HLCS: variants seen among roughly 807,000 people sequenced by gnomAD.
HLCS encodes biotin--protein ligase.
A neutral mutation model predicts 75.0 loss-of-function variants in HLCS; 53 were observed. The observed-to-expected ratio is 0.71, with a 90% CI of 0.57 to 0.89. The LOEUF is 0.89. Ranked by LOEUF, HLCS falls within the 40% of genes least tolerant of loss-of-function variation. The pLI is 0.00. For missense variants in HLCS, 966 were observed against 1,074.0 expected, an observed-to-expected ratio of 0.90 and a Z score of 1.41; for synonymous variants, 431 against 428.6, an observed-to-expected ratio of 1.01 and a Z score of -0.07.
intron 6 of HLCS, among the ~76,000 whole-genome samples, chr21:36,811,083 T>G (rs557192769): frequency 6.7e-6 from 1 of 149,982 alleles, no homozygotes; most frequent in Non-Finnish European, 1.5e-5. Context: ...ACAACACGTT[T>G]TGAAGTACCT....
chr21:36,872,390 C>CAAA (rs374943958), intron 6 of HLCS, among the ~76,000 whole-genome samples: 7 of 85,440 alleles, frequency 8.2e-5, no homozygotes, highest in Admixed American at 1.4e-4. Flanking sequence ...GCCTCTGTCT[C>CAAA]AAAAAAAAAA....
intron 6 of HLCS, among the ~76,000 whole-genome samples, chr21:36,771,243 T>C (rs2060197096): frequency 6.6e-6 from 1 of 151,470 alleles, no homozygotes; most frequent in African/African-American, 2.4e-5. Flanking sequence ...AATAAATAAA[T>C]AAATATAAAA....
Position 36,966,424 on chromosome 21 carries a change from C to CCGGCG in HLCS, c.195+19_195+20insCGCCG. The CCGGCG allele has an allele frequency of 2.2e-6, 1 of 461,716 alleles. No individual in the cohort carries two copies. Among genetic ancestry groups the CCGGCG allele is most frequent in the Non-Finnish European group, 2.8e-6 (1 of 351,290 alleles). 28.6% of individuals were successfully genotyped at this position (461,716 alleles called of 1,614,324 possible). On this transcript the variant is annotated intron_variant, in intron 1 of 10. Transcript: ENST00000674895. Reference sequence around the variant, plus strand: ...TCCGGCTCGCGGGGCCCGGGTCGCCCGCCCGCCCGACCCGCCCACCTGGCT... The same window carrying CCGGCG: ...TCCGGCTCGCGGGGCCCGGGTCGCCCCGGCGGCCCGCCCGACCCGCCCACCTGGCT...
At chr21:36,779,323 CTT>C (rs2060458514) in intron 6 of HLCS, among the ~76,000 whole-genome samples, 1 of 150,492 alleles carries the variant, frequency 6.6e-6, no homozygotes, top group Admixed American at 6.6e-5. Context: ...CTCCTTCCTT[CTT>C]TCTTTCTTCC....
chr21:36,869,997 C>T (rs573862622), intron 6 of HLCS, among the ~76,000 whole-genome samples: 151 of 152,258 alleles, frequency 9.9e-4, no homozygotes, highest in African/African-American at 3.4e-3. Context: ...ACCCGTGAAC[C>T]CTAGTTATAG....
chr21:36,749,090 G>A lies in HLCS; in HGVS notation c.*5156C>T, dbSNP rs1284923634. 6.6e-6 allele frequency: 1 copy of A among 152,664 alleles called. No individual in the cohort carries two copies. Among genetic ancestry groups the A allele is most frequent in the Non-Finnish European group, 1.5e-5 (1 of 68,044 alleles). 9.5% of individuals were successfully genotyped at this position (152,664 alleles called of 1,614,324 possible). On this transcript the variant is annotated 3_prime_UTR_variant, in exon 11 of 11. Transcript: ENST00000674895. The stretch of plus-strand genomic sequence containing the variant: ...ACATTTTAAGCATTTTCTACACAGC[G>A]AGAAAACTTCGTAAGAACATGTTAC...
rs541881622 is a variant in HLCS at position 36,937,530 on chromosome 21, C to T, written c.494-138G>A. 6.4e-6 allele frequency: 5 copies of T among 783,168 alleles called. No individual in the cohort carries two copies. In the South Asian group the frequency reaches 7.6e-5, roughly 12 times the overall value. 48.5% of individuals were successfully genotyped at this position (783,168 alleles called of 1,614,324 possible). ...GGACAGCCTCTGGCACGGCTCCCAC[C>T]TGCATCCCCCCTCAACTCGGGGGCA... On this transcript the variant is annotated intron_variant, in intron 3 of 10. Coordinates refer to ENST00000674895, the MANE Select transcript of HLCS (RefSeq NM_001352514.2).
chr21:36,828,650 A>C (rs904232344), intron 6 of HLCS, among the ~76,000 whole-genome samples: 9 of 152,200 alleles, frequency 5.9e-5, no homozygotes, highest in Non-Finnish European at 1.2e-4. Flanking sequence ...TTTTAAGTGG[A>C]TAAGCAATTA....
chr21:36,883,214 A>T (rs1270288218), intron 6 of HLCS, among the ~76,000 whole-genome samples: 1 of 152,220 alleles, frequency 6.6e-6, no homozygotes, highest in East Asian at 1.9e-4. Flanking sequence ...TTAAAGGGGC[A>T]GGTGAAAGCA....
At chr21:36,843,416 C>A (rs565408522) in intron 6 of HLCS, among the ~76,000 whole-genome samples, 1 of 151,632 alleles carries the variant, frequency 6.6e-6, no homozygotes, top group South Asian at 2.1e-4. Context: ...CTAGCCTGGG[C>A]GACAGAGAGA....
chr21:36,896,046 A>G (rs1316518221), intron 6 of HLCS, among the ~76,000 whole-genome samples: 1 of 152,200 alleles, frequency 6.6e-6, no homozygotes. Flanking sequence ...GGGGTTATCA[A>G]CTGCTTAAAA....
rs1468641280 is a variant in HLCS, at chr21:36,751,786, C to G, written c.*2460G>C. 6.6e-6 allele frequency: 1 copy of G among 152,212 alleles called. No individual in the cohort carries two copies. The highest frequency in any genetic ancestry group is 1.5e-5 in the Non-Finnish European group (1 of 68,052). 9.4% of individuals were successfully genotyped at this position (152,212 alleles called of 1,614,324 possible). A position where few individuals can be genotyped will look rare whatever the true frequency, so the allele number is the denominator to read the frequency against. On this transcript the variant is annotated 3_prime_UTR_variant, in exon 11 of 11. Coordinates refer to ENST00000674895, the MANE Select transcript of HLCS (RefSeq NM_001352514.2). Reference sequence around the variant, plus strand: ...TCAAGAGTCCCCTTGAAACCCGTTACCAGCCTGGAAGGGAGGATATCTTGC... The same window carrying G: ...TCAAGAGTCCCCTTGAAACCCGTTAGCAGCCTGGAAGGGAGGATATCTTGC...
At chr21:36,880,848 G>A (rs1032657802) in intron 6 of HLCS, among the ~76,000 whole-genome samples, 6 of 152,158 alleles carry the variant, frequency 3.9e-5, no homozygotes, top group South Asian at 2.1e-4. Flanking sequence ...TCCTTAGGGC[G>A]TGGGAGCCGA....
intron 6 of HLCS, among the ~76,000 whole-genome samples, chr21:36,832,436 G>C (rs1392624117): frequency 2.0e-5 from 3 of 152,198 alleles, no homozygotes; most frequent in African/African-American, 7.2e-5. Flanking sequence ...GGTTGGAAGG[G>C]AGCTGGTGAG....
At chr21:36,951,923 G>C (rs1202522457) in intron 2 of HLCS, among the ~76,000 whole-genome samples, 1 of 152,112 alleles carries the variant, frequency 6.6e-6, no homozygotes, top group Non-Finnish European at 1.5e-5. Flanking sequence ...GCGAAAATAT[G>C]AGTATGTGAA....
In HLCS at chr21:36,857,579, C is replaced by T. The variant is rs553636152; in HGVS notation, c.1892+39281G>A. Among the ~76,000 whole-genome samples the T allele has an allele frequency of 5.6e-4, 85 of 152,244 alleles. 2 individuals carry two copies. Among genetic ancestry groups the T allele is most frequent in the African/African-American group, 2.0e-3 (81 of 41,536 alleles). ...AGCTGTCATGCCAATGTCCTCACATCGATCCTCCTTTGTTCACCCACCCCA... is the reference window on the plus strand; with the variant it reads ...AGCTGTCATGCCAATGTCCTCACATTGATCCTCCTTTGTTCACCCACCCCA... On this transcript the variant is annotated intron_variant, in intron 6 of 10. Coordinates refer to ENST00000674895, the MANE Select transcript of HLCS (RefSeq NM_001352514.2).
chr21:36,830,747 T>G (rs2062176037), intron 6 of HLCS, among the ~76,000 whole-genome samples: 3 of 142,260 alleles, frequency 2.1e-5, no homozygotes, highest in African/African-American at 7.9e-5. Context: ...GACAAGCCCC[T>G]GGAAGTTGAG....
intron 6 of HLCS, among the ~76,000 whole-genome samples, chr21:36,830,107 CACACACAGGAGAGGTGACAGGA>C (rs1490906672): frequency 6.6e-6 from 1 of 152,168 alleles, no homozygotes; most frequent in South Asian, 2.1e-4. Flanking sequence ...AACACAGACA[CACACACAGGAGAGGTGACAGGA>C]ACACACAGGG....
chr21:36,778,399 C>G (rs1323630521), intron 6 of HLCS, among the ~76,000 whole-genome samples: 3 of 152,190 alleles, frequency 2.0e-5, no homozygotes, highest in African/African-American at 7.2e-5. Flanking sequence ...CCTGCCACAG[C>G]CTCCCGAGTA....
Sources: gnomAD v4.1 joint callset for allele counts (sites outside exome capture counted in the v4.1 genomes callset) on GRCh38, gnomAD v4.1.1 for gene constraint, MANE v1.5 for transcripts, NCBI Gene and HGNC (gene_info 2026-07-23, HGNC 2026-07-21) for gene names.